IL1RAPL2: variants seen among roughly 807,000 people sequenced by gnomAD.
The protein encoded by IL1RAPL2 is interleukin 1 receptor accessory protein like 2, also known as X-linked interleukin-1 receptor accessory protein-like 2.
A neutral mutation model predicts 44.1 loss-of-function variants in IL1RAPL2; 3 were observed. The observed-to-expected ratio is 0.07, with a 90% CI of 0.03 to 0.18. IL1RAPL2 has a LOEUF of 0.18. Among genes scored for constraint, IL1RAPL2 ranks in the 10% least tolerant of loss-of-function variants. IL1RAPL2 has a pLI of 1.00. For synonymous variants in IL1RAPL2, 181 were observed against 178.8 expected, an observed-to-expected ratio of 1.01 and a Z score of -0.10; for missense variants, 391 against 496.4, an observed-to-expected ratio of 0.79 and a Z score of 2.02.
intron 6 of IL1RAPL2, among the ~76,000 whole-genome samples, chrX:105,593,019 A>G (rs1014296891): frequency 8.9e-6 from 1 of 112,197 alleles, no homozygotes; most frequent in Admixed American, 9.4e-5. Flanking sequence ...TTCCTCAAAT[A>G]TATTTTCTAG....
intron 2 of IL1RAPL2, among the ~76,000 whole-genome samples, chrX:104,883,080 C>T (rs761940373): frequency 2.7e-5 from 3 of 111,409 alleles, no homozygotes; most frequent in East Asian, 2.8e-4. Flanking sequence ...TGTGAGGGTC[C>T]GCGGCTTCAT....
intron 2 of IL1RAPL2, among the ~76,000 whole-genome samples, chrX:104,900,425 A>T (rs753345313): frequency 2.7e-5 from 3 of 111,443 alleles, no homozygotes; most frequent in South Asian, 7.6e-4. Context: ...CAGTACACAG[A>T]TTCTTGAAGG....
chrX:105,025,594 C>T (rs897706899), intron 2 of IL1RAPL2, among the ~76,000 whole-genome samples: 1 of 110,889 alleles, frequency 9.0e-6, no homozygotes, highest in African/African-American at 3.3e-5. Context: ...TATTTGATTT[C>T]TTAAAGCACA....
At chrX:104,960,781 C>G (rs1052887918) in intron 2 of IL1RAPL2, among the ~76,000 whole-genome samples, 1 of 110,560 alleles carries the variant, frequency 9.0e-6, no homozygotes, top group Non-Finnish European at 1.9e-5. Flanking sequence ...TGCAATAATT[C>G]ACACCTGGAA....
intron 8 of IL1RAPL2, among the ~76,000 whole-genome samples, chrX:105,744,633 G>A (rs757860403): frequency 9.0e-6 from 1 of 111,373 alleles, no homozygotes; most frequent in East Asian, 2.8e-4. Context: ...AAGTGAAAAG[G>A]GCTTTTGTAA....
chrX:104,861,948 G>A (rs1922506142), intron 2 of IL1RAPL2, among the ~76,000 whole-genome samples: 1 of 111,209 alleles, frequency 9.0e-6, no homozygotes, highest in Admixed American at 9.6e-5. Context: ...TCAGAGAAAG[G>A]TTTTAAAAAG....
At chrX:105,069,543 G>A (rs2032180631) in intron 2 of IL1RAPL2, among the ~76,000 whole-genome samples, 1 of 111,833 alleles carries the variant, frequency 8.9e-6, no homozygotes, top group Admixed American at 9.5e-5. Flanking sequence ...TGGAGCAAGG[G>A]CTGGGAATTC....
chrX:105,391,190 T>C (rs2035519089), intron 5 of IL1RAPL2, among the ~76,000 whole-genome samples: 1 of 111,723 alleles, frequency 9.0e-6, no homozygotes, highest in Admixed American at 9.5e-5. Context: ...ATAATAATCA[T>C]GTTATAGGGT....
intron 7 of IL1RAPL2, among the ~76,000 whole-genome samples, chrX:105,735,816 C>A (rs1287012353): frequency 9.0e-6 from 1 of 111,185 alleles, no homozygotes; most frequent in Non-Finnish European, 1.9e-5. Context: ...CAGAGCCAGG[C>A]ACTTACTAAA....
intron 6 of IL1RAPL2, among the ~76,000 whole-genome samples, chrX:105,653,959 G>A (rs2037659396): frequency 9.1e-6 from 1 of 110,022 alleles, no homozygotes. Flanking sequence ...GTGTGTGTCT[G>A]TGTATGTGCA....
intron 9 of IL1RAPL2, 105 bp downstream of exon 9, chrX:105,749,208 T>C: frequency 2.6e-6 from 2 of 773,614 alleles, no homozygotes; most frequent in Non-Finnish European, 3.6e-6. Context: ...TATTTAGGGG[T>C]AAAGGGCTAT....
chrX:105,276,934 G>A (rs1603044217), intron 5 of IL1RAPL2, among the ~76,000 whole-genome samples: 1 of 111,725 alleles, frequency 9.0e-6, no homozygotes, highest in African/African-American at 3.3e-5. Context: ...TAGACTAGTC[G>A]ATCCAACAAG....
intron 5 of IL1RAPL2, among the ~76,000 whole-genome samples, chrX:105,327,028 G>C (rs1441310022): frequency 8.9e-6 from 1 of 112,284 alleles, no homozygotes; most frequent in Non-Finnish European, 1.9e-5. Flanking sequence ...AGATGAAAGG[G>C]AAGTTGGGTA....
At chrX:105,396,762 A>T (rs1256782864) in intron 5 of IL1RAPL2, among the ~76,000 whole-genome samples, 1 of 109,084 alleles carries the variant, frequency 9.2e-6, no homozygotes, top group Non-Finnish European at 1.9e-5. Flanking sequence ...CTGGTAGAGG[A>T]GGATAGAATT....
chrX:105,194,449 A>G (rs1201271163), intron 2 of IL1RAPL2, among the ~76,000 whole-genome samples: 4 of 112,417 alleles, frequency 3.6e-5, no homozygotes, highest in African/African-American at 1.3e-4. Context: ...CAAATTAGAA[A>G]TAAAATAGCT....
At chrX:104,777,541 A>AATTATT (rs376271609) in intron 2 of IL1RAPL2, among the ~76,000 whole-genome samples, 2,016 of 85,271 alleles carry the variant, frequency 0.024, 21 homozygotes, top group Middle Eastern at 0.042. Flanking sequence ...CTCTGCTTTC[A>AATTATT]ATTATTATTA....
At chrX:105,701,083 T>C (rs1363241855) in intron 6 of IL1RAPL2, among the ~76,000 whole-genome samples, 1 of 111,121 alleles carries the variant, frequency 9.0e-6, no homozygotes, top group Non-Finnish European at 1.9e-5. Flanking sequence ...GTTTGAATGA[T>C]GGGAAAAACT....
At position 104,584,654 on chromosome X, in the gene IL1RAPL2, T is replaced by C. The variant is rs952537428; in HGVS notation, c.-20+17603T>C. 6.3e-5 allele frequency among the ~76,000 whole-genome samples: 7 copies of C among 111,181 alleles called. 2 individuals carry two copies. The highest frequency in any genetic ancestry group is 2.9e-4 in the Admixed American group (3 of 10,453). The stretch of plus-strand genomic sequence containing the variant: ...AAACTGTTCAACCATGGGTTTTTGG[T>C]GAACCCATGAAGCTATGTAGTGACA... On this transcript the variant is annotated intron_variant, in intron 1 of 10. Coordinates refer to ENST00000372582, the MANE Select transcript of IL1RAPL2 (RefSeq NM_017416.2).
intron 6 of IL1RAPL2, among the ~76,000 whole-genome samples, chrX:105,559,928 G>A (rs992182242): frequency 2.7e-5 from 3 of 111,609 alleles, no homozygotes; most frequent in Non-Finnish European, 5.6e-5. Context: ...TGTAAAAATA[G>A]CTTCTTTGGC....
Sources: gnomAD v4.1 joint callset for allele counts (sites outside exome capture counted in the v4.1 genomes callset) on GRCh38, gnomAD v4.1.1 for gene constraint, MANE v1.5 for transcripts, NCBI Gene and HGNC (gene_info 2026-07-23, HGNC 2026-07-21) for gene names.